Variants in WASF2 observed in about 807,000 individuals in gnomAD.
WASF2 encodes WASP family member 2, also known as actin-binding protein WASF2.
Under a neutral mutation model 45.0 loss-of-function variants are expected in WASF2, and 14 were observed. The observed-to-expected ratio is 0.31, with a 90% CI of 0.21 to 0.49. The LOEUF is 0.49. WASF2 is among the 20% of genes least tolerant of loss of function. The probability of loss-of-function intolerance (pLI) is 0.99; values close to 1 mark genes in which losing one functional copy is unlikely to be tolerated. For missense variants in WASF2, 439 were observed against 636.1 expected (o/e 0.69, Z 3.33); for synonymous variants, 200 against 236.3 (o/e 0.85, Z 1.41).
At position 27,416,081 on chromosome 1, in the gene WASF2, G is replaced by C. The variant is rs200795125; in HGVS notation, c.441C>G (p.Leu147=). ...TPYRDDGKEA[L]KFYTDPSYFF... ...AGTATGAAGGGTCTGTGTAGAATTT[G>C]AGTGCCTCTTTTCCATCGTCCCTGG... is the stretch of plus-strand genomic sequence containing the variant. Residue 147 remains leucine, a synonymous_variant, in exon 5 of 9, where the codon CTC becomes CTG. Transcript: ENST00000618852. 8.7e-6 allele frequency: 14 copies of C among 1,614,064 alleles called. No individual in the cohort carries two copies. In the East Asian group the frequency reaches 8.9e-5, roughly 10 times the overall value.
At chr1:27,446,122 C>T (rs890755769) in intron 1 of WASF2, among the ~76,000 whole-genome samples, 2 of 151,854 alleles carry the variant, frequency 1.3e-5, no homozygotes, top group East Asian at 3.9e-4. Flanking sequence ...TTACTTTAAT[C>T]GTAAAAAGTA....
intron 1 of WASF2, among the ~76,000 whole-genome samples, chr1:27,445,680 A>T (rs1356341660): frequency 3.9e-5 from 6 of 152,170 alleles, no homozygotes; most frequent in African/African-American, 1.4e-4. Flanking sequence ...CCAGCCTCAG[A>T]TAACATGTGC....
At chr1:27,486,682 C>T (rs2017930724) in intron 1 of WASF2, among the ~76,000 whole-genome samples, 1 of 152,040 alleles carries the variant, frequency 6.6e-6, no homozygotes, top group African/African-American at 2.4e-5. Context: ...CCAGCACTTC[C>T]GGAGGCCGCA....
At chr1:27,412,942 T>G (rs1279607554) in intron 6 of WASF2, among the ~76,000 whole-genome samples, 2 of 152,244 alleles carry the variant, frequency 1.3e-5, no homozygotes, top group African/African-American at 4.8e-5. Context: ...CTGAATTGTT[T>G]GTAGTAACAG....
chr1:27,411,054 C>T (rs774594979), intron 7 of WASF2, among the ~76,000 whole-genome samples: 1 of 152,308 alleles, frequency 6.6e-6, no homozygotes, highest in Admixed American at 6.5e-5. Context: ...CTGCATCTGA[C>T]AGGGCCACCA....
At chr1:27,437,730 A>G (rs548094069) in intron 1 of WASF2, among the ~76,000 whole-genome samples, 2 of 152,356 alleles carry the variant, frequency 1.3e-5, no homozygotes, top group South Asian at 4.1e-4. Context: ...TTGGATAAAT[A>G]TAGATTATGA....
At chr1:27,435,866 C>T (rs1179258485) in intron 1 of WASF2, among the ~76,000 whole-genome samples, 1 of 152,230 alleles carries the variant, frequency 6.6e-6, no homozygotes, top group Non-Finnish European at 1.5e-5. Flanking sequence ...ATAACACCTG[C>T]AGATTTCTAT....
chr1:27,471,212 G>T (rs1004394253), intron 1 of WASF2, among the ~76,000 whole-genome samples: 4 of 151,350 alleles, frequency 2.6e-5, no homozygotes, highest in Non-Finnish European at 4.4e-5. Context: ...GGGCGTAGTG[G>T]CGGGCGCCTG....
intron 1 of WASF2, among the ~76,000 whole-genome samples, chr1:27,471,205 C>T (rs552234054): frequency 1.4e-3 from 207 of 151,836 alleles, no homozygotes; most frequent in Non-Finnish European, 2.1e-3. Context: ...ATTAGCCGGG[C>T]GTAGTGGCGG....
intron 8 of WASF2, among the ~76,000 whole-genome samples, chr1:27,409,319 G>A (rs549933747): frequency 1.7e-4 from 25 of 150,822 alleles, no homozygotes; most frequent in South Asian, 8.4e-4. Context: ...CAGCTACTCC[G>A]GAGGCTGAGG....
At chr1:27,432,200 C>G (rs1242185831) in intron 1 of WASF2, among the ~76,000 whole-genome samples, 1 of 152,170 alleles carries the variant, frequency 6.6e-6, no homozygotes, top group Non-Finnish European at 1.5e-5. Flanking sequence ...TCTCACACTT[C>G]AAGTTATAGA....
Position 27,407,992 on chromosome 1 carries a change from C to T in WASF2, c.*197G>A, listed in dbSNP as rs2016702913. On this transcript the variant is annotated 3_prime_UTR_variant, in exon 9 of 9. Coordinates refer to ENST00000618852, the MANE Select transcript of WASF2 (RefSeq NM_006990.5). ...ACTGAACCTCAGGAGCCCCACAGGG[C>T]CTGAAAATGGGGAGAGGAAATACAT... The T allele has an allele frequency of 1.8e-6, 1 of 561,732 alleles. No individual in the cohort carries two copies. The highest frequency in any genetic ancestry group is 3.7e-5 in the Admixed American group (1 of 27,336). The allele number at this position is 561,732 out of a possible 1,614,324, so 34.8% of individuals were successfully genotyped here. A position where few individuals can be genotyped will look rare whatever the true frequency, so the allele number is the denominator to read the frequency against.
chr1:27,418,201 T>C (rs2016851261), intron 4 of WASF2, 68 bp downstream of exon 4: 7 of 1,524,698 alleles, frequency 4.6e-6, no homozygotes, highest in Non-Finnish European at 6.2e-6. Context: ...AACAACCGCT[T>C]CAGACAAAAA....
chr1:27,453,476 C>T lies in WASF2; in HGVS notation c.-43-24543G>A, dbSNP rs932070730. ...GTGTGGTGGTGGACGCCTGTAATCC[C>T]AGCTACTCAGGAGGCTGAAGCAGGA... On this transcript the variant is annotated intron_variant, in intron 1 of 8. Coordinates refer to ENST00000618852, the MANE Select transcript of WASF2 (RefSeq NM_006990.5). Among the ~76,000 whole-genome samples, 6 of 151,676 alleles carry T rather than the reference C, an allele frequency of 4.0e-5. No homozygotes were observed. The Middle Eastern group carries it at 0.014, about 346-fold the overall frequency.
At chr1:27,471,218 G>A (rs995801262) in intron 1 of WASF2, among the ~76,000 whole-genome samples, 5 of 151,092 alleles carry the variant, frequency 3.3e-5, no homozygotes, top group South Asian at 4.2e-4. Context: ...AGTGGCGGGC[G>A]CCTGTAGTCC....
chr1:27,445,840 CTTT>C (rs557290282), intron 1 of WASF2, among the ~76,000 whole-genome samples: 2 of 140,484 alleles, frequency 1.4e-5, no homozygotes, highest in South Asian at 2.3e-4. Context: ...TCATCAGGGA[CTTT>C]TTTTTTTTTT....
At position 27,408,107 on chromosome 1, in the gene WASF2, C is replaced by T. The variant is rs1271239877; in HGVS notation, c.*82G>A. On this transcript the variant is annotated 3_prime_UTR_variant, in exon 9 of 9. Coordinates refer to ENST00000618852, the MANE Select transcript of WASF2 (RefSeq NM_006990.5). ...AATTACTTTTTTCCTCCCTTTTCTC[C>T]CCCTACGGGTCTGTTGGGGTTGGCA... The T allele has an allele frequency of 9.1e-5, 137 of 1,500,590 alleles. 2 individuals carry two copies. In the South Asian group the frequency reaches 1.1e-3, roughly 12 times the overall value. The allele number at this position is 1,500,590 out of a possible 1,614,324, so 93.0% of individuals were successfully genotyped here.
At chr1:27,428,620 G>GGGGAGGAGA in intron 2 of WASF2, 141 bp downstream of exon 2, 1 of 1,249,112 alleles carries the variant, frequency 8.0e-7, no homozygotes, top group East Asian at 2.5e-5. Context: ...GCCTCTCTTT[G>GGGGAGGAGA]GGGAGGAGAG....
At chr1:27,475,959 T>A (rs144171719) in intron 1 of WASF2, among the ~76,000 whole-genome samples, 15 of 152,288 alleles carry the variant, frequency 9.8e-5, no homozygotes, top group Non-Finnish European at 2.2e-4. Context: ...GTCTTTACTG[T>A]CTATCCAAGG....
Sources: allele counts gnomAD v4.1 joint callset (sites outside exome capture counted in the v4.1 genomes callset), GRCh38; gene constraint gnomAD v4.1.1; transcripts MANE v1.5; gene names NCBI Gene and HGNC (gene_info 2026-07-23, HGNC 2026-07-21).